C12orf76: variants seen among roughly 807,000 people sequenced by gnomAD.
C12orf76 encodes chromosome 12 open reading frame 76.
C12orf76 carries 6 observed loss-of-function variants against 6.8 expected under a neutral mutation model. That is an observed-to-expected ratio of 0.88 (90% confidence interval 0.48 to 1.73). The LOEUF (loss-of-function observed/expected upper bound fraction) is 1.73, where lower values mean the gene tolerates loss of function less well. Ranked by LOEUF, C12orf76 falls within the 40% of genes most tolerant of loss-of-function variation. C12orf76 has a pLI of 0.01. For synonymous variants in C12orf76, 56 were observed against 43.7 expected (o/e 1.28, Z -1.11); for missense variants, 99 against 98.2 (o/e 1.01, Z -0.03).
At chr12:110,045,992 G>A in intron 1 of C12orf76, 1 of 182,796 alleles carries the variant, frequency 5.5e-6, no homozygotes, top group Non-Finnish European at 1.2e-5. Context: ...TTAAAAAGGA[G>A]CTTAAAACCA....
chr12:110,044,927 C>T (rs1892410106), intron 1 of C12orf76, among the ~76,000 whole-genome samples: 4 of 151,976 alleles, frequency 2.6e-5, no homozygotes, highest in Admixed American at 2.6e-4. Flanking sequence ...GAGCCAAGAT[C>T]ACGCCACTGC....
intron 2 of C12orf76, among the ~76,000 whole-genome samples, chr12:110,062,721 G>A (rs1419147210): frequency 1.3e-5 from 2 of 148,788 alleles, no homozygotes; most frequent in African/African-American, 2.5e-5. Flanking sequence ...CCAGGATCAA[G>A]CGATCCTCCC....
intron 3 of C12orf76, chr12:110,058,878 ACT>A: frequency 7.9e-7 from 1 of 1,269,936 alleles, no homozygotes; most frequent in Non-Finnish European, 1.1e-6. Context: ...TGTGCCAACC[ACT>A]CTTCTAAGTC....
intron 1 of C12orf76, chr12:110,067,387 C>T: frequency 2.0e-6 from 2 of 984,844 alleles, no homozygotes; most frequent in Non-Finnish European, 2.4e-6. Context: ...AGAGTCTCCA[C>T]AGCCCAGACA....
At chr12:110,071,684 TCAA>T (rs1481253104), upstream of C12orf76, among the ~76,000 whole-genome samples, 4 of 152,020 alleles carry the variant, frequency 2.6e-5, no homozygotes, top group African/African-American at 9.7e-5. Flanking sequence ...ATCATCATCA[TCAA>T]CATCATCATC....
intron 3 of C12orf76, among the ~76,000 whole-genome samples, chr12:110,057,963 C>CTGAGGTGGGAGAATCATTTGAACCCA (rs1892700483): frequency 6.8e-6 from 1 of 146,852 alleles, no homozygotes; most frequent in Admixed American, 7.1e-5. Context: ...ACTCGGGAGG[C>CTGAGGTGGGAGAATCATTTGAACCCA]TGAGGTGGGA....
intron 1 of C12orf76, among the ~76,000 whole-genome samples, chr12:110,066,901 C>T (rs1593251850): frequency 1.3e-5 from 2 of 152,214 alleles, no homozygotes; most frequent in African/African-American, 4.8e-5. Context: ...GCAACACCAT[C>T]TCCATGGCGA....
upstream of C12orf76, among the ~76,000 whole-genome samples, chr12:110,052,935 G>A (rs554449772): frequency 3.3e-5 from 5 of 152,360 alleles, no homozygotes; most frequent in East Asian, 3.9e-4. Flanking sequence ...GGGCGCAGTG[G>A]CTCACGCCTG....
At chr12:110,070,564 C>T (rs901362047), upstream of C12orf76, among the ~76,000 whole-genome samples, 10 of 152,118 alleles carry the variant, frequency 6.6e-5, no homozygotes, top group African/African-American at 2.4e-4. Flanking sequence ...GACCCTCTCT[C>T]ACTTTTTAGA....
chr12:110,057,421 G>GC, intron 3 of C12orf76: 1 of 672,294 alleles, frequency 1.5e-6, no homozygotes, highest in East Asian at 2.7e-5. Context: ...AAGAACAGTG[G>GC]CGCCGGGCAC....
chr12:110,047,136 T>C (rs1235283858), intron 1 of C12orf76, among the ~76,000 whole-genome samples: 1 of 152,112 alleles, frequency 6.6e-6, no homozygotes, highest in African/African-American at 2.4e-5. Context: ...ACCAAGGAGA[T>C]ACAGTGGGAA....
chr12:110,065,867 T>C, exon 2 of C12orf76: 1 of 1,614,218 alleles, frequency 6.2e-7, no homozygotes, highest in South Asian at 1.1e-5. Context: ...TACCAGGTTC[T>C]GGAACATGCT....
chr12:110,045,221 C>T (rs906557538), intron 1 of C12orf76, among the ~76,000 whole-genome samples: 6 of 152,168 alleles, frequency 3.9e-5, no homozygotes, highest in Non-Finnish European at 7.3e-5. Context: ...GTTTGGACTA[C>T]AATTGGACTT....
At chr12:110,045,026 G>C (rs1892413753) in intron 1 of C12orf76, among the ~76,000 whole-genome samples, 1 of 152,070 alleles carries the variant, frequency 6.6e-6, no homozygotes, top group Non-Finnish European at 1.5e-5. Context: ...GGTGAGTGAG[G>C]GGGAAGAAGG....
chr12:110,052,524 A>G (rs915406453), upstream of C12orf76, among the ~76,000 whole-genome samples: 7 of 152,168 alleles, frequency 4.6e-5, no homozygotes, highest in Non-Finnish European at 8.8e-5. Flanking sequence ...TGGGCACTTA[A>G]TACGTGCCAA....
At chr12:110,043,482 G>A (rs1892369874) in intron 1 of C12orf76, among the ~76,000 whole-genome samples, 1 of 152,128 alleles carries the variant, frequency 6.6e-6, no homozygotes, top group African/African-American at 2.4e-5. Context: ...ATAAAAACCT[G>A]GAGATTCAAT....
exon 1 of C12orf76, chr12:110,067,603 A>G (rs774551470): frequency 6.1e-6 from 6 of 984,616 alleles, no homozygotes; most frequent in Non-Finnish European, 7.2e-6. Flanking sequence ...CTCGAACTCC[A>G]GACCTCAGGT....
intron 1 of C12orf76, among the ~76,000 whole-genome samples, chr12:110,072,839 T>C (rs1892975754): frequency 6.7e-6 from 1 of 149,428 alleles, no homozygotes; most frequent in African/African-American, 2.5e-5. Flanking sequence ...GGATAGCGTG[T>C]GGGCAGGTGG....
intron 1 of C12orf76, among the ~76,000 whole-genome samples, chr12:110,048,158 T>C (rs1386441949): frequency 6.6e-6 from 1 of 152,226 alleles, no homozygotes; most frequent in African/African-American, 2.4e-5. Flanking sequence ...TATTGAGCAC[T>C]TGCTGAGAGG....
Sources: allele counts gnomAD v4.1 joint callset (sites outside exome capture counted in the v4.1 genomes callset), GRCh38; gene constraint gnomAD v4.1.1; transcripts MANE v1.5; gene names NCBI Gene and HGNC (gene_info 2026-07-23, HGNC 2026-07-21).